The following ANTXRL variants were observed in gnomAD, a reference collection of about 807,000 sequenced individuals.
The protein encoded by ANTXRL is anthrax toxin receptor-like.
Under a neutral mutation model 75.4 loss-of-function variants are expected in ANTXRL, and 63 were observed. The observed-to-expected ratio is 0.84, with a 90% CI of 0.68 to 1.03. The LOEUF (loss-of-function observed/expected upper bound fraction) is 1.03, where lower values mean the gene tolerates loss of function less well. Ranked by LOEUF, ANTXRL falls within the 50% of genes least tolerant of loss-of-function variation. The pLI is 0.00. For synonymous variants in ANTXRL, 335 were observed against 291.3 expected (o/e 1.15, Z -1.53); for missense variants, 797 against 789.4 (o/e 1.01, Z -0.12).
intron 14 of ANTXRL, among the ~76,000 whole-genome samples, chr10:46,311,068 G>A (rs185219300): frequency 3.3e-5 from 5 of 152,214 alleles, no homozygotes; most frequent in South Asian, 2.1e-4. Context: ...CACCTGGGTC[G>A]GGGACCCACC....
chr10:46,287,424 T>C lies in ANTXRL; in HGVS notation c.162T>C (p.His54=). The C allele has an allele frequency of 2.0e-6, 3 of 1,535,880 alleles. No homozygotes were observed. Among genetic ancestry groups the C allele is most frequent in the South Asian group, 1.2e-5 (1 of 84,048 alleles). ...GCTCCAGGAGAGCCCACCACCACCA[T>C]GGCCCAGGATGGAGGCAGCACTGGC... The part of the protein sequence containing the change: ...ALGSRRAHHH[H]GPGWRQHWRQ... Residue 54 remains histidine (H), a synonymous_variant, in exon 1 of 17, where the codon CAT becomes CAC. Coordinates refer to ENST00000620264, the MANE Select transcript of ANTXRL (RefSeq NM_001278688.3).
In ANTXRL at chr10:46,311,547, C is replaced by T. The variant is rs1283364345; in HGVS notation, c.1211C>T (p.Pro404Leu). ...EQEKPPSPPP[P>L]PPPPPPPLPP... ...GAAAAACCACCATCACCACCACCAC[C>T]GCCTCCGCCTCCACCACCTCCACTC... Residue 404 changes from proline to leucine, a missense_variant, in exon 15 of 17, where the codon CCG becomes CTG. Pro to Leu is a moderately conservative substitution (Grantham distance 98). This residue lies in a region of ANTXRL where 479 missense variants were observed against 422.0 expected (regional missense o/e 1.14). Transcript: ENST00000620264. 1.7e-4 allele frequency: 259 copies of T among 1,533,602 alleles called. 1 individual carries two copies. The highest frequency in any genetic ancestry group is 2.1e-4 in the Non-Finnish European group (240 of 1,145,534). The allele number at this position is 1,533,602 out of a possible 1,614,324, so 95.0% of individuals were successfully genotyped here.
At chr10:46,307,641 T>G (rs1838171705) in intron 12 of ANTXRL, among the ~76,000 whole-genome samples, 161 bp downstream of exon 12, 1 of 152,088 alleles carries the variant, frequency 6.6e-6, no homozygotes, top group South Asian at 2.1e-4. Context: ...ATGGTGCAGG[T>G]GGGTGAGGCT....
chr10:46,298,751 T>C (rs1837537677), intron 9 of ANTXRL, among the ~76,000 whole-genome samples: 1 of 150,760 alleles, frequency 6.6e-6, no homozygotes, highest in Non-Finnish European at 1.5e-5. Context: ...GTATTTTTGG[T>C]GTATGTGTGT....
chr10:46,320,427 G>T (rs1267128031), intron 16 of ANTXRL, among the ~76,000 whole-genome samples: 1 of 152,074 alleles, frequency 6.6e-6, no homozygotes, highest in Non-Finnish European at 1.5e-5. Context: ...TTGAGCAAGG[G>T]TTTGTTACAA....
chr10:46,288,186 C>T (rs1554955733), intron 1 of ANTXRL, among the ~76,000 whole-genome samples: 1 of 152,148 alleles, frequency 6.6e-6, no homozygotes, highest in Non-Finnish European at 1.5e-5. Flanking sequence ...CCTGCTCCTC[C>T]TGCTGGGTGG....
intron 16 of ANTXRL, among the ~76,000 whole-genome samples, chr10:46,327,873 G>A (rs1480731596): frequency 1.3e-5 from 2 of 152,166 alleles, no homozygotes; most frequent in African/African-American, 2.4e-5. Flanking sequence ...CCCCACGCCA[G>A]GGAAACCACA....
intron 15 of ANTXRL, 52 bp from the exon 16 acceptor site, chr10:46,313,184 T>C (rs1389058221): frequency 8.2e-6 from 12 of 1,470,324 alleles, no homozygotes; most frequent in Admixed American, 2.0e-5. Context: ...TGATGCCTTC[T>C]GGAGGCAGTG....
chr10:46,308,548 C>T, intron 12 of ANTXRL: 1 of 431,386 alleles, frequency 2.3e-6, no homozygotes, highest in Middle Eastern at 3.4e-4. Context: ...TTGCGAAGAA[C>T]ACCCAGAGAA....
intron 9 of ANTXRL, among the ~76,000 whole-genome samples, chr10:46,301,970 C>T (rs1310672041): frequency 2.0e-5 from 3 of 152,198 alleles, no homozygotes; most frequent in Admixed American, 6.5e-5. Flanking sequence ...CATGTGTCCC[C>T]TGTGGTCTTT....
At chr10:46,325,684 T>C (rs1284754856) in intron 16 of ANTXRL, among the ~76,000 whole-genome samples, 3 of 152,182 alleles carry the variant, frequency 2.0e-5, no homozygotes, top group African/African-American at 7.2e-5. Flanking sequence ...AGTTCTGTAA[T>C]CTGAAACTGG....
intron 16 of ANTXRL, 80 bp downstream of exon 16, chr10:46,313,396 C>A: frequency 7.2e-7 from 1 of 1,389,360 alleles, no homozygotes; most frequent in Non-Finnish European, 9.9e-7. Context: ...GGGATTGGGG[C>A]TCAGAGAGCC....
intron 14 of ANTXRL, among the ~76,000 whole-genome samples, chr10:46,311,280 C>T (rs549104881): frequency 6.6e-6 from 1 of 152,194 alleles, no homozygotes; most frequent in East Asian, 1.9e-4. Flanking sequence ...AGGCCTCTTT[C>T]AACAAGGGCA....
intron 16 of ANTXRL, among the ~76,000 whole-genome samples, chr10:46,319,061 A>G (rs1838863976): frequency 6.6e-6 from 1 of 152,176 alleles, no homozygotes; most frequent in African/African-American, 2.4e-5. Flanking sequence ...CTCAGCTCCC[A>G]TTATAGAAGT....
At position 46,311,670 on chromosome 10, in the gene ANTXRL, G is replaced by A. The variant is rs1554963581; in HGVS notation, c.1329+5G>A. 7.2e-6 allele frequency: 7 copies of A among 965,522 alleles called. No homozygotes were observed. In the South Asian group the frequency reaches 8.3e-5, roughly 11 times the overall value. 59.8% of individuals were successfully genotyped at this position (965,522 alleles called of 1,614,324 possible). ...GGCGGGATGAGAAGGATAGAGGTGA[G>A]AAGGGCACAGTGGAGAGGGGCTGTG... On this transcript the variant is annotated splice_donor_5th_base_variant and intron_variant, in intron 15 of 16. Coordinates refer to ENST00000620264, the MANE Select transcript of ANTXRL (RefSeq NM_001278688.3).
Position 46,287,100 on chromosome 10 carries a change from A to G in ANTXRL, c.-163A>G. 1.2e-6 allele frequency: 1 copy of G among 857,604 alleles called. No individual in the cohort carries two copies. The highest frequency in any genetic ancestry group is 1.7e-6 in the Non-Finnish European group (1 of 573,932). The allele number at this position is 857,604 out of a possible 1,614,324, so 53.1% of individuals were successfully genotyped here. On this transcript the variant is annotated 5_prime_UTR_variant, in exon 1 of 17. Transcript: ENST00000620264. ...TGACCCTAGTCCCTGCGATCTGGGG[A>G]GGTACCTGGTGGAGGGCCATAGTGT...
At chr10:46,287,870 G>C (rs527783724) in intron 1 of ANTXRL, among the ~76,000 whole-genome samples, 15 of 152,154 alleles carry the variant, frequency 9.9e-5, no homozygotes, top group Non-Finnish European at 2.1e-4. Flanking sequence ...TGGGGTTTCT[G>C]TGTTGTTTTG....
intron 12 of ANTXRL, 46 bp downstream of exon 12, chr10:46,307,526 A>C: frequency 6.7e-7 from 1 of 1,482,172 alleles, no homozygotes; most frequent in Non-Finnish European, 9.1e-7. Context: ...GACTGTCCAG[A>C]GCCTCTGCAC....
At chr10:46,325,227 C>T (rs1483629491) in intron 16 of ANTXRL, among the ~76,000 whole-genome samples, 3 of 152,094 alleles carry the variant, frequency 2.0e-5, no homozygotes, top group Admixed American at 2.0e-4. Flanking sequence ...TAGTGGTGAA[C>T]CAGTCCAGCC....
Sources: allele counts gnomAD v4.1 joint callset (sites outside exome capture counted in the v4.1 genomes callset), GRCh38; gene constraint gnomAD v4.1.1; regional missense constraint gnomAD v4.1.1; transcripts MANE v1.5; gene names NCBI Gene and HGNC (gene_info 2026-07-23, HGNC 2026-07-21).